SPAM1: variants seen among roughly 807,000 people sequenced by gnomAD.
SPAM1 encodes the protein sperm adhesion molecule 1, also known as hyaluronidase PH-20.
Under a neutral mutation model 29.6 loss-of-function variants are expected in SPAM1, and 22 were observed. That is an observed-to-expected ratio of 0.74 (90% CI 0.53 to 1.06). SPAM1 has a LOEUF of 1.06. SPAM1 is among the 50% of genes least tolerant of loss of function. The pLI is 0.00. For missense variants in SPAM1, 534 were observed against 604.0 expected (o/e 0.88, Z 1.21); for synonymous variants, 194 against 204.6 (o/e 0.95, Z 0.44).
chr7:123,961,178 T>C (rs145844535), downstream of SPAM1, among the ~76,000 whole-genome samples: 392 of 152,032 alleles, frequency 2.6e-3, no homozygotes, highest in African/African-American at 8.8e-3. Context: ...TGGGAACATG[T>C]AAGATTCTCT....
At position 123,959,721 on chromosome 7, in the gene SPAM1, C is replaced by A; in HGVS notation, c.1282C>A (p.Gln428Lys). ...AAAACCGACACTTGAAGACCTGGAG[C>A]AATTTTCTGAAAAATTTTATTGCAG... ...RGKPTLEDLEQFSEKFYCSCY... is the reference protein window; with the variant it reads ...RGKPTLEDLEKFSEKFYCSCY... Residue 428 changes from glutamine (Q) to lysine (K), a missense_variant, in exon 5 of 5, where the codon CAA (glutamine) becomes AAA (lysine). Transcript: ENST00000682466. The A allele has an allele frequency of 6.2e-7, 1 of 1,613,252 alleles. No homozygotes were observed. Among genetic ancestry groups the A allele is most frequent in the Non-Finnish European group, 8.5e-7 (1 of 1,179,554 alleles).
chr7:123,946,462 G>A (rs530869125), intron 1 of SPAM1, among the ~76,000 whole-genome samples: 5 of 152,094 alleles, frequency 3.3e-5, no homozygotes, highest in Non-Finnish European at 7.4e-5. Flanking sequence ...AAACCAAAAG[G>A]TATCTGAGAT....
rs1471395276 is a variant in SPAM1 at position 123,959,566 on chromosome 7, G to A, written c.1127G>A (p.Cys376Tyr). ...IINVTLAAKM[C>Y]SQVLCQEQGV... The stretch of plus-strand genomic sequence containing the variant: ...AACGTCACACTAGCAGCCAAAATGT[G>A]TAGCCAAGTGCTTTGCCAGGAGCAA... The change falls in exon 5 of 5, where the codon TGT (cysteine) becomes TAT (tyrosine). Residue 376 changes from cysteine to tyrosine, a missense_variant. By Grantham distance (194) the Cys-to-Tyr change is radical. Coordinates refer to ENST00000682466, the MANE Select transcript of SPAM1 (RefSeq NM_153189.3). The A allele has an allele frequency of 6.2e-7, 1 of 1,613,114 alleles. No homozygotes were observed. The highest frequency in any genetic ancestry group is 1.7e-5 in the Admixed American group (1 of 59,852).
At chr7:123,927,762 A>T (rs1807936083) in intron 1 of SPAM1, among the ~76,000 whole-genome samples, 1 of 152,188 alleles carries the variant, frequency 6.6e-6, no homozygotes, top group African/African-American at 2.4e-5. Flanking sequence ...CTTGAGTAAA[A>T]GCTACAGGGT....
chr7:123,932,086 A>T (rs1808098466), intron 1 of SPAM1: 1 of 152,248 alleles, frequency 6.6e-6, no homozygotes. Flanking sequence ...AGGACGAATT[A>T]AAACCAAGAG....
intron 1 of SPAM1, among the ~76,000 whole-genome samples, chr7:123,937,095 A>G (rs899539929): frequency 1.3e-5 from 2 of 152,230 alleles, no homozygotes; most frequent in Non-Finnish European, 2.9e-5. Context: ...AGGGGTTTAC[A>G]ATCTCTAAAT....
chr7:123,939,246 C>T (rs1188246224), intron 1 of SPAM1, among the ~76,000 whole-genome samples: 2 of 151,980 alleles, frequency 1.3e-5, no homozygotes, highest in East Asian at 1.9e-4. Flanking sequence ...CCATCATGCC[C>T]GGCTAATTTT....
At chr7:123,970,332 T>C (rs1792481786) in intron 6 of SPAM1, 3 of 1,470,548 alleles carry the variant, frequency 2.0e-6, no homozygotes, top group Non-Finnish European at 2.8e-6. Context: ...CATATGTTTC[T>C]GTCTGTGACC....
chr7:123,959,857 T>C lies in SPAM1; in HGVS notation c.1418T>C (p.Met473Thr), dbSNP rs574932035. ...VCIDAFLKPP[M>T]ETEEPQIFYN... The stretch of plus-strand genomic sequence containing the variant: ...ATAGATGCTTTTCTAAAACCTCCCA[T>C]GGAGACAGAAGAACCTCAAATTTTC... Residue 473 changes from methionine to threonine, a missense_variant, in exon 5 of 5, where the codon ATG (methionine) becomes ACG (threonine). Transcript: ENST00000682466. 5.6e-6 allele frequency: 9 copies of C among 1,613,080 alleles called. No homozygotes were observed. The highest frequency in any genetic ancestry group is 4.4e-5 in the South Asian group (4 of 91,056).
chr7:123,934,566 A>G (rs905406381), intron 1 of SPAM1, among the ~76,000 whole-genome samples: 1 of 152,234 alleles, frequency 6.6e-6, no homozygotes, highest in African/African-American at 2.4e-5. Flanking sequence ...ACTACTCACA[A>G]CAGCTAAGAT....
rs535060754 is a variant in SPAM1 at position 123,939,537 on chromosome 7, A to C, written c.-318-10335A>C. Among the ~76,000 whole-genome samples, 5 of 152,266 alleles carry C rather than the reference A, an allele frequency of 3.3e-5. No individual in the cohort carries two copies. The South Asian group carries it at 8.3e-4, about 25-fold the overall frequency. ...GTTTTTCTTTGAATATTTTGACTTT[A>C]AGTTTCATCATCAGCCATAATTTTG... is the stretch of plus-strand genomic sequence containing the variant. On this transcript the variant is annotated intron_variant, in intron 1 of 4. Transcript: ENST00000682466.
intron 1 of SPAM1, among the ~76,000 whole-genome samples, chr7:123,946,356 A>T (rs547366048): frequency 1.8e-4 from 27 of 152,312 alleles, no homozygotes; most frequent in Non-Finnish European, 3.4e-4. Context: ...GGTTTGGGCC[A>T]TAGAAGCTCA....
chr7:123,956,261 C>T (rs1202184678), intron 4 of SPAM1, among the ~76,000 whole-genome samples: 2 of 151,972 alleles, frequency 1.3e-5, no homozygotes, highest in Non-Finnish European at 2.9e-5. Context: ...GGCATTGTCC[C>T]AAAATTGTTC....
Position 123,954,505 on chromosome 7 carries a change from T to G in SPAM1, c.935T>G (p.Val312Gly), listed in dbSNP as rs2117061834. 3.1e-6 allele frequency: 5 copies of G among 1,593,330 alleles called. No individual in the cohort carries two copies. In the South Asian group the frequency reaches 4.5e-5, roughly 14 times the overall value. Residue 312 changes from valine (V) to glycine (G), a missense_variant, in exon 3 of 5, where the codon GTT (valine) becomes GGT (glycine). Physicochemically the swap from Val to Gly is moderately radical, Grantham distance 109. Coordinates refer to ENST00000682466, the MANE Select transcript of SPAM1 (RefSeq NM_153189.3). The stretch of plus-strand genomic sequence containing the variant: ...ACCCGCATAGTTTTTACTGATCAAG[T>G]TTTGAAATTCCTTTCTCAAGTAAGT... ...AYTRIVFTDQ[V>G]LKFLSQDELV...
intron 1 of SPAM1, among the ~76,000 whole-genome samples, chr7:123,931,299 C>T (rs1479368524): frequency 1.3e-5 from 2 of 152,120 alleles, no homozygotes; most frequent in Non-Finnish European, 2.9e-5. Flanking sequence ...CAAAAGTCAG[C>T]CATAAAACCT....
chr7:123,964,829 C>T (rs1584965177), downstream of SPAM1, among the ~76,000 whole-genome samples: 1 of 152,134 alleles, frequency 6.6e-6, no homozygotes, highest in East Asian at 1.9e-4. Context: ...TTTTTAAGGG[C>T]TGAGCAGCCA....
At chr7:123,929,103 G>C (rs1807987107) in intron 1 of SPAM1, among the ~76,000 whole-genome samples, 1 of 152,148 alleles carries the variant, frequency 6.6e-6, no homozygotes, top group African/African-American at 2.4e-5. Flanking sequence ...TCCAATAAAG[G>C]TGGAAATAAT....
chr7:123,968,165 A>C (rs1445706805), intron 5 of SPAM1, among the ~76,000 whole-genome samples: 2 of 152,052 alleles, frequency 1.3e-5, no homozygotes, highest in Non-Finnish European at 2.9e-5. Flanking sequence ...TTAGAGCTTC[A>C]TGACTGCTGC....
chr7:123,957,944 G>A (rs777234548), intron 4 of SPAM1, among the ~76,000 whole-genome samples: 2 of 151,820 alleles, frequency 1.3e-5, no homozygotes, highest in Admixed American at 6.6e-5. Flanking sequence ...TGCTTGAAAA[G>A]TTTCTATACT....
Sources: allele counts gnomAD v4.1 joint callset (sites outside exome capture counted in the v4.1 genomes callset), GRCh38; gene constraint gnomAD v4.1.1; transcripts MANE v1.5; gene names NCBI Gene and HGNC (gene_info 2026-07-23, HGNC 2026-07-21).